The following TBC1D8 variants were observed in gnomAD, a reference collection of about 807,000 sequenced individuals.
TBC1D8 encodes the protein BUB2-like protein 1.
A neutral mutation model predicts 118.8 loss-of-function variants in TBC1D8; 65 were observed. That is an observed-to-expected ratio of 0.55 (90% CI 0.45 to 0.67). The LOEUF is 0.67. Ranked by LOEUF, TBC1D8 falls within the 30% of genes least tolerant of loss-of-function variation. The pLI is 0.00. For synonymous variants in TBC1D8, 566 were observed against 595.8 expected (o/e 0.95, Z 0.73); for missense variants, 1,376 against 1,471.2 (o/e 0.94, Z 1.06).
chr2:101,121,313 T>C (rs1160887734), intron 1 of TBC1D8, among the ~76,000 whole-genome samples: 3 of 152,194 alleles, frequency 2.0e-5, no homozygotes, highest in Non-Finnish European at 2.9e-5. Context: ...ATCAGACATA[T>C]GACACGTGCC....
rs571015564 is a variant in TBC1D8 at position 101,100,393 on chromosome 2, C to T, written c.128-10029G>A. Among the ~76,000 whole-genome samples, 92 of 152,224 alleles carry T rather than the reference C, an allele frequency of 6.0e-4. 1 individual carries two copies. The highest frequency in any genetic ancestry group is 2.1e-3 in the African/African-American group (86 of 41,524). On this transcript the variant is annotated intron_variant, in intron 1 of 19. Coordinates refer to ENST00000409318, the MANE Select transcript of TBC1D8 (RefSeq NM_001330348.2). ...CAAACAAATGGAAAAACATTTCATCCTCATGGATAGGAAGAATCAATATTG... is the reference window on the plus strand; with the variant it reads ...CAAACAAATGGAAAAACATTTCATCTTCATGGATAGGAAGAATCAATATTG...
intron 2 of TBC1D8, among the ~76,000 whole-genome samples, chr2:101,087,047 G>A (rs1376620412): frequency 6.6e-6 from 1 of 152,092 alleles, no homozygotes; most frequent in Non-Finnish European, 1.5e-5. Flanking sequence ...GCCTCCCAAA[G>A]TGCTGGGATT....
chr2:101,040,230 C>T lies in TBC1D8; in HGVS notation c.1028G>A (p.Cys343Tyr). Reference sequence around the variant, plus strand: ...GCAGCCATCTTCTCTGCTGGCAAAGCAGATGTAGCTGTCAGAGGCGAACAT... The same window carrying T: ...GCAGCCATCTTCTCTGCTGGCAAAGTAGATGTAGCTGTCAGAGGCGAACAT... The part of the protein sequence containing the change: ...GRMFASDSYI[C>Y]FASREDGCCK... The change falls in exon 6 of 20, where the codon TGC (cysteine) becomes TAC (tyrosine). Residue 343 changes from cysteine (C) to tyrosine (Y), a missense_variant. Cys to Tyr is a radical substitution (Grantham distance 194). Transcript: ENST00000409318. The T allele has an allele frequency of 2.5e-6, 4 of 1,614,016 alleles. No homozygotes were observed. The highest frequency in any genetic ancestry group is 3.4e-6 in the Non-Finnish European group (4 of 1,179,894).
At chr2:101,063,346 A>G (rs957327032) in intron 2 of TBC1D8, among the ~76,000 whole-genome samples, 2 of 152,250 alleles carry the variant, frequency 1.3e-5, no homozygotes, top group Non-Finnish European at 1.5e-5. Context: ...TAATTCTAAA[A>G]CAAAAACAAA....
chr2:101,082,393 G>A (rs1010872079), intron 2 of TBC1D8, among the ~76,000 whole-genome samples: 3 of 152,104 alleles, frequency 2.0e-5, no homozygotes, highest in African/African-American at 7.2e-5. Flanking sequence ...CATCAATGCA[G>A]CCAAAAACCG....
At chr2:101,102,737 T>G (rs1035022231) in intron 1 of TBC1D8, among the ~76,000 whole-genome samples, 1 of 151,796 alleles carries the variant, frequency 6.6e-6, no homozygotes, top group Non-Finnish European at 1.5e-5. Flanking sequence ...GGAAATATTA[T>G]CAGGAATAAA....
intron 19 of TBC1D8, among the ~76,000 whole-genome samples, chr2:101,010,552 G>T (rs1342531998): frequency 1.3e-5 from 2 of 151,844 alleles, no homozygotes; most frequent in East Asian, 3.9e-4. Flanking sequence ...GCAGGTAAAG[G>T]GGCCCAAGCT....
intron 5 of TBC1D8, among the ~76,000 whole-genome samples, chr2:101,045,964 G>A (rs893701291): frequency 1.9e-4 from 29 of 152,266 alleles, no homozygotes; most frequent in African/African-American, 6.7e-4. Context: ...CCGCACTCCA[G>A]CCTAGGCAAC....
rs116812184 is a variant in TBC1D8, at chr2:101,075,116, G to A, written c.283+15093C>T. ...ATGTTACAGTTTAGTCATAGAAGTC[G>A]GCTGGGCTCAGTGGCTACACCTGTA... On this transcript the variant is annotated intron_variant, in intron 2 of 19. Transcript: ENST00000409318. Among the ~76,000 whole-genome samples the A allele has an allele frequency of 4.8e-3, 732 of 152,294 alleles. 8 individuals are homozygous for A. The highest frequency in any genetic ancestry group is 0.017 in the African/African-American group (709 of 41,562).
rs1280310672 is a variant in TBC1D8 at position 101,118,505 on chromosome 2, GC to G, written c.128-28142del. Among the ~76,000 whole-genome samples the G allele has an allele frequency of 2.0e-5, 3 of 151,624 alleles. No homozygotes were observed. In the South Asian group the frequency reaches 6.2e-4, roughly 31 times the overall value. On this transcript the variant is annotated intron_variant, in intron 1 of 19. Coordinates refer to ENST00000409318, the MANE Select transcript of TBC1D8 (RefSeq NM_001330348.2). Reference sequence around the variant, plus strand: ...AGGTCAGGAGATCGAGACCATCCTGGCTAACACGGTGAAACCCTGTCTCTAC... The same window carrying G: ...AGGTCAGGAGATCGAGACCATCCTGGTAACACGGTGAAACCCTGTCTCTAC...
chr2:101,032,056 A>G (rs568890798), intron 11 of TBC1D8, among the ~76,000 whole-genome samples: 2 of 152,326 alleles, frequency 1.3e-5, no homozygotes, highest in African/African-American at 4.8e-5. Flanking sequence ...TATAGCAGGA[A>G]TGTGTTTGAG....
rs1207190571 is a variant in TBC1D8 at position 101,098,272 on chromosome 2, A to T, written c.128-7908T>A. 2.0e-5 allele frequency among the ~76,000 whole-genome samples: 3 copies of T among 152,002 alleles called. No individual in the cohort carries two copies. The East Asian group carries it at 5.8e-4, about 29-fold the overall frequency. ...CCAGGTGTGGTGGCAGGGGCTACTC[A>T]GGAGGCTGAGGCAGGAGAATCGCTT... On this transcript the variant is annotated intron_variant, in intron 1 of 19. Transcript: ENST00000409318.
chr2:101,105,586 T>C (rs1324721435), intron 1 of TBC1D8, among the ~76,000 whole-genome samples: 1 of 115,874 alleles, frequency 8.6e-6, no homozygotes. Context: ...AGACTCTGTC[T>C]CAAATTAAAA....
intron 17 of TBC1D8, among the ~76,000 whole-genome samples, chr2:101,014,742 G>A (rs980005460): frequency 1.1e-4 from 17 of 152,166 alleles, no homozygotes; most frequent in Non-Finnish European, 1.9e-4. Flanking sequence ...AAGCAAGAGC[G>A]TACAGAGTTA....
At chr2:101,080,237 C>T (rs1297607580) in intron 2 of TBC1D8, among the ~76,000 whole-genome samples, 1 of 152,014 alleles carries the variant, frequency 6.6e-6, no homozygotes, top group East Asian at 1.9e-4. Flanking sequence ...CGAGCGTGAC[C>T]GAAAACAAGT....
chr2:101,037,674 C>T lies in TBC1D8; in HGVS notation c.1310G>A (p.Ser437Asn), dbSNP rs144053329. ...SLVFHSTSMCSDHRFGDLEMM... is the reference protein window; with the variant it reads ...SLVFHSTSMCNDHRFGDLEMM... The stretch of plus-strand genomic sequence containing the variant: ...TTCAAGATCCCCAAATCTGTGGTCA[C>T]TGCACATGCTTGTTGAATGAAACAC... Residue 437 changes from serine to asparagine, a missense_variant, in exon 8 of 20, where the codon AGT becomes AAT. Ser to Asn is a conservative substitution (Grantham distance 46). Transcript: ENST00000409318. 15 of 1,613,848 alleles carry T rather than the reference C, an allele frequency of 9.3e-6. No individual in the cohort carries two copies. In the African/African-American group the frequency reaches 1.7e-4, roughly 19 times the overall value.
intron 5 of TBC1D8, among the ~76,000 whole-genome samples, chr2:101,048,759 A>G (rs1189164593): frequency 6.6e-6 from 1 of 152,058 alleles, no homozygotes; most frequent in Non-Finnish European, 1.5e-5. Context: ...AAAAAACACT[A>G]TATTATTACT....
chr2:101,090,607 G>A (rs559849454), intron 1 of TBC1D8, among the ~76,000 whole-genome samples: 1 of 152,346 alleles, frequency 6.6e-6, no homozygotes, highest in East Asian at 1.9e-4. Flanking sequence ...ATGAAGAGGT[G>A]AACAAAGGGT....
intron 2 of TBC1D8, among the ~76,000 whole-genome samples, chr2:101,067,064 C>T (rs1366846929): frequency 6.6e-6 from 1 of 151,886 alleles, no homozygotes; most frequent in Non-Finnish European, 1.5e-5. Context: ...TTTCTGGTGG[C>T]CTCTGACCAT....
Sources: gnomAD v4.1 joint callset for allele counts (sites outside exome capture counted in the v4.1 genomes callset) on GRCh38, gnomAD v4.1.1 for gene constraint, MANE v1.5 for transcripts, NCBI Gene and HGNC (gene_info 2026-07-23, HGNC 2026-07-21) for gene names.